Variants in SAMD12 observed in about 807,000 individuals in gnomAD.
The protein encoded by SAMD12 is sterile alpha motif domain-containing protein 12.
In SAMD12, 9 loss-of-function variants were observed where a neutral mutation model predicts 15.0. The ratio of observed to expected loss-of-function variants is 0.60; its 90% CI spans 0.36 to 1.05. The LOEUF is 1.05. Ranked by LOEUF, SAMD12 falls within the 50% of genes least tolerant of loss-of-function variation. The pLI, the probability that SAMD12 is intolerant of heterozygous loss-of-function variation, is 0.01. For missense variants in SAMD12, 230 were observed against 234.2 expected (o/e 0.98, Z 0.12); for synonymous variants, 86 against 90.1 (o/e 0.96, Z 0.25).
At position 118,504,282 on chromosome 8, in the gene SAMD12, G is replaced by A. The variant is rs940937470; in HGVS notation, c.193-64321C>T. The stretch of plus-strand genomic sequence containing the variant: ...TAGACCAGGCATCATAAAGAAGCCC[G>A]GAGAAAAACAACACAGTAATAATGG... On this transcript the variant is annotated intron_variant, in intron 2 of 3. Transcript: ENST00000314727. Among the ~76,000 whole-genome samples, 25 of 152,086 alleles carry A rather than the reference G, an allele frequency of 1.6e-4. No homozygotes were observed. In the East Asian group the frequency reaches 2.1e-3, roughly 13 times the overall value.
intron 4 of SAMD12, among the ~76,000 whole-genome samples, chr8:118,269,220 C>CTGTGTGTGTGTG (rs71515963): frequency 1.6e-5 from 2 of 123,006 alleles, no homozygotes; most frequent in African/African-American, 3.4e-5. Flanking sequence ...CTCTCTCTCT[C>CTGTGTGTGTGTG]TGTGTGTGTG....
chr8:118,169,725 C>T, the SAMD12 span, among the ~76,000 whole-genome samples: 81 of 152,090 alleles, frequency 5.3e-4, no homozygotes, highest in South Asian at 2.3e-3. Flanking sequence ...AACATTTTAA[C>T]GTAATTGAAA....
Position 118,379,689 on chromosome 8 carries a change from G to C in SAMD12, c.334C>G (p.Leu112Val), listed in dbSNP as rs1242203854. The change falls in exon 4 of 4, where the codon CTG becomes GTG. Residue 112 changes from leucine (L) to valine (V), a missense_variant. Transcript: ENST00000314727. Reference protein sequence around the residue: ...KQHDITGRALLRLTDKKLERM... With the variant: ...KQHDITGRALVRLTDKKLERM... ...TCGAGCTTTTTGTCAGTAAGTCTCA[G>C]CAGGGCTCGCCCTGCAGGGTTTTAA... The C allele has an allele frequency of 6.8e-6, 11 of 1,613,708 alleles. No individual in the cohort carries two copies. Among genetic ancestry groups the C allele is most frequent in the Non-Finnish European group, 5.9e-6 (7 of 1,179,690 alleles).
chr8:118,594,866 A>G (rs1827684001), intron 1 of SAMD12, among the ~76,000 whole-genome samples: 1 of 152,224 alleles, frequency 6.6e-6, no homozygotes, highest in Non-Finnish European at 1.5e-5. Flanking sequence ...AATTTGTCTC[A>G]TTAAAACCTT....
intron 2 of SAMD12, among the ~76,000 whole-genome samples, chr8:118,518,819 A>C (rs1445994634): frequency 1.3e-5 from 2 of 152,200 alleles, no homozygotes; most frequent in Non-Finnish European, 2.9e-5. Flanking sequence ...ACTAAGATGC[A>C]TGTTCCTGGA....
intron 4 of SAMD12, among the ~76,000 whole-genome samples, chr8:118,326,221 AT>A (rs1816558153): frequency 1.3e-5 from 2 of 152,154 alleles, no homozygotes; most frequent in Admixed American, 1.3e-4. Flanking sequence ...CATTGCAGGG[AT>A]TGAAAATGCA....
At chr8:118,599,000 C>T (rs1827791063) in intron 1 of SAMD12, among the ~76,000 whole-genome samples, 1 of 152,194 alleles carries the variant, frequency 6.6e-6, no homozygotes, top group African/African-American at 2.4e-5. Flanking sequence ...TTTACTAAGT[C>T]TGATTTCCTT....
chr8:118,321,023 ATTGAG>A (rs1254666200), intron 4 of SAMD12, among the ~76,000 whole-genome samples: 1 of 147,454 alleles, frequency 6.8e-6, no homozygotes, highest in Non-Finnish European at 1.5e-5. Flanking sequence ...TGCTAAGAAT[ATTGAG>A]TTTTGTACCC....
Position 118,283,483 on chromosome 8 carries a change from A to G in SAMD12, c.434-85751T>C, listed in dbSNP as rs1057080558. Among the ~76,000 whole-genome samples the G allele has an allele frequency of 5.3e-5, 8 of 152,310 alleles. 1 individual carries two copies. Among genetic ancestry groups the G allele is most frequent in the African/African-American group, 1.4e-4 (6 of 41,568 alleles). On this transcript the variant is annotated intron_variant, in intron 4 of 4. Transcript: ENST00000409003. ...TGCCCAAGAGAGACACGACTAATCC[A>G]TCACAGCATTCTTCCCACAAACTCT...
intron 3 of SAMD12, among the ~76,000 whole-genome samples, chr8:118,388,132 A>G (rs1433885992): frequency 6.6e-6 from 1 of 152,222 alleles, no homozygotes; most frequent in Non-Finnish European, 1.5e-5. Flanking sequence ...CATTCAAGGC[A>G]CAGGGAACAG....
intron 4 of SAMD12, among the ~76,000 whole-genome samples, chr8:118,218,615 G>A (rs1294072466): frequency 2.8e-5 from 4 of 144,384 alleles, no homozygotes; most frequent in African/African-American, 5.1e-5. Flanking sequence ...AAGCAAGAAC[G>A]TGTGGTATTT....
intron 3 of SAMD12, among the ~76,000 whole-genome samples, chr8:118,407,087 A>AT (rs1193515621): frequency 6.6e-6 from 1 of 152,150 alleles, no homozygotes; most frequent in Non-Finnish European, 1.5e-5. Context: ...AACTATTGAA[A>AT]TAAAAAAAAA....
chr8:118,438,688 A>C (rs1297349103), intron 3 of SAMD12, among the ~76,000 whole-genome samples: 1 of 152,166 alleles, frequency 6.6e-6, no homozygotes, highest in Non-Finnish European at 1.5e-5. Flanking sequence ...TCTGCTTAAC[A>C]AGTCCCTTTT....
At chr8:118,428,514 T>C (rs1325794971) in intron 3 of SAMD12, among the ~76,000 whole-genome samples, 1 of 152,232 alleles carries the variant, frequency 6.6e-6, no homozygotes, top group African/African-American at 2.4e-5. Flanking sequence ...TAATAATTCC[T>C]TGCCTATTCT....
At chr8:118,440,697 AAC>A (rs376107717) in intron 2 of SAMD12, among the ~76,000 whole-genome samples, 108 of 52,420 alleles carry the variant, frequency 2.1e-3, no homozygotes, top group Middle Eastern at 0.014. Context: ...CACACACACA[AAC>A]ACACACACAC....
chr8:118,203,095 C>T (rs1819758600), intron 4 of SAMD12, among the ~76,000 whole-genome samples: 1 of 152,152 alleles, frequency 6.6e-6, no homozygotes, highest in Non-Finnish European at 1.5e-5. Context: ...TCTGTTCTCA[C>T]CACGGTGCTT....
intron 2 of SAMD12, among the ~76,000 whole-genome samples, chr8:118,486,681 G>A (rs1053328282): frequency 3.9e-5 from 6 of 151,950 alleles, no homozygotes; most frequent in African/African-American, 1.2e-4. Context: ...AGAAATCAGT[G>A]TTGGTTTAAG....
intron 3 of SAMD12, among the ~76,000 whole-genome samples, chr8:118,408,812 C>G (rs1348373425): frequency 6.6e-6 from 1 of 152,128 alleles, no homozygotes; most frequent in African/African-American, 2.4e-5. Flanking sequence ...TCTATGTGGC[C>G]TTTAGCTCAC....
intron 2 of SAMD12, among the ~76,000 whole-genome samples, chr8:118,512,934 G>T (rs568851599): frequency 2.0e-5 from 3 of 152,074 alleles, no homozygotes; most frequent in African/African-American, 7.2e-5. Flanking sequence ...ATCAAGTAAC[G>T]CATGTGAAAG....
Sources: allele counts gnomAD v4.1 joint callset (sites outside exome capture counted in the v4.1 genomes callset), GRCh38; gene constraint gnomAD v4.1.1; transcripts MANE v1.5; gene names NCBI Gene and HGNC (gene_info 2026-07-23, HGNC 2026-07-21).